Variants in ADGRL4 observed in about 807,000 individuals in gnomAD.
The protein encoded by ADGRL4 is EGF, latrophilin and seven transmembrane domain containing 1.
In ADGRL4, 90 loss-of-function variants were observed where a neutral mutation model predicts 74.8. That is an observed-to-expected ratio of 1.20 (90% CI 1.02 to 1.43). ADGRL4 has a LOEUF of 1.43. Among genes scored for constraint, ADGRL4 ranks in the 40% most tolerant of loss-of-function variants. ADGRL4 has a pLI of 0.00. For missense variants in ADGRL4, 881 were observed against 814.3 expected (o/e 1.08, Z -1.00); for synonymous variants, 311 against 279.2 (o/e 1.11, Z -1.14).
intron 12 of ADGRL4, among the ~76,000 whole-genome samples, chr1:78,915,216 T>C (rs946409907): frequency 6.6e-6 from 1 of 151,912 alleles, no homozygotes; most frequent in Non-Finnish European, 1.5e-5. Flanking sequence ...TGAAGAATAC[T>C]CCAGTAAGCA....
At chr1:78,942,595 C>A (rs1336352843) in intron 3 of ADGRL4, among the ~76,000 whole-genome samples, 4 of 152,108 alleles carry the variant, frequency 2.6e-5, no homozygotes, top group Non-Finnish European at 4.4e-5. Flanking sequence ...TTTGATATCA[C>A]TAAATGCAAG....
At chr1:78,957,976 C>A (rs1649869016) in intron 2 of ADGRL4, among the ~76,000 whole-genome samples, 1 of 152,122 alleles carries the variant, frequency 6.6e-6, no homozygotes, top group Non-Finnish European at 1.5e-5. Flanking sequence ...ATCCTGGAGC[C>A]TTTAGAATTA....
rs772390502 is a variant in ADGRL4, at chr1:78,939,269, A to T, written c.326-11T>A. The T allele has an allele frequency of 1.9e-6, 3 of 1,561,104 alleles. No homozygotes were observed. Among genetic ancestry groups the T allele is most frequent in the East Asian group, 2.3e-5 (1 of 43,090 alleles). On this transcript the variant is annotated splice_polypyrimidine_tract_variant and intron_variant, in intron 3 of 14. Transcript: ENST00000370742. ...TTGCATTCACATTTTCTGTAAAAAAAGAAAATAGATTATACAGTCAGTTTT... is the reference window on the plus strand; with the variant it reads ...TTGCATTCACATTTTCTGTAAAAAATGAAAATAGATTATACAGTCAGTTTT...
chr1:78,892,311 G>T lies in ADGRL4; in HGVS notation c.1842-619C>A, dbSNP rs146220124. Among the ~76,000 whole-genome samples, 404 of 152,118 alleles carry T rather than the reference G, an allele frequency of 2.7e-3. 3 individuals are homozygous for T. The highest frequency in any genetic ancestry group is 9.4e-3 in the African/African-American group (389 of 41,504). On this transcript the variant is annotated intron_variant, in intron 13 of 14. Coordinates refer to ENST00000370742, the MANE Select transcript of ADGRL4 (RefSeq NM_022159.4). ...TTAAAGAAAAAATACACACACATAC[G>T]CACTCTTACATCTTTTCAGCAGAAT...
At chr1:78,946,481 C>T in intron 2 of ADGRL4, 55 bp from the exon 3 acceptor site, 1 of 1,446,472 alleles carries the variant, frequency 6.9e-7, no homozygotes, top group East Asian at 2.5e-5. Context: ...TAAATTTTGA[C>T]TATTTTCCAT....
intron 2 of ADGRL4, among the ~76,000 whole-genome samples, chr1:78,985,749 C>T (rs1417049295): frequency 6.6e-6 from 1 of 151,602 alleles, no homozygotes; most frequent in African/African-American, 2.4e-5. Context: ...CTATTCACAA[C>T]AATAGTGAAG....
intron 2 of ADGRL4, among the ~76,000 whole-genome samples, chr1:78,997,280 C>T (rs1434738659): frequency 2.6e-5 from 4 of 152,122 alleles, no homozygotes; most frequent in African/African-American, 9.7e-5. Flanking sequence ...TCCACAGATA[C>T]ATAAATAAAT....
rs147676668 is a variant in ADGRL4 at position 78,901,855 on chromosome 1, G to A, written c.1750-8666C>T. ...GGGTCAGGATTTAGCACACTTGGGA[G>A]TATCTACAGAGCTAAAAGATATTTC... On this transcript the variant is annotated intron_variant, in intron 12 of 14. Transcript: ENST00000370742. Among the ~76,000 whole-genome samples the A allele has an allele frequency of 6.5e-3, 995 of 152,226 alleles. 9 individuals are homozygous for A. Among genetic ancestry groups the A allele is most frequent in the African/African-American group, 0.019 (781 of 41,520 alleles).
intron 2 of ADGRL4, among the ~76,000 whole-genome samples, chr1:78,977,836 A>G (rs17102548): frequency 0.015 from 2,270 of 151,998 alleles, 59 homozygotes; most frequent in African/African-American, 0.052. Context: ...AATTGGAAAG[A>G]GCTAACATAA....
Position 78,938,141 on chromosome 1 carries a change from TG to T in ADGRL4, c.534del (p.Asn178LysfsTer18). The T allele has an allele frequency of 6.2e-7, 1 of 1,613,196 alleles. No individual in the cohort carries two copies. The highest frequency in any genetic ancestry group is 1.1e-5 in the South Asian group (1 of 90,808). ...GAAAGGGTGTCCTTGGCTGAGATAG[TG>T]TTGTTCTTGTAACCTAGTAATGAAG... is the stretch of plus-strand genomic sequence containing the variant. ...ESSSLLGYKN[N>X]TISAKDTLSN... On this transcript the variant is annotated frameshift_variant, in exon 5 of 15. Coordinates refer to ENST00000370742, the MANE Select transcript of ADGRL4 (RefSeq NM_022159.4). LOFTEE classifies it high-confidence loss of function.
At chr1:78,977,699 G>A (rs1650314085) in intron 2 of ADGRL4, among the ~76,000 whole-genome samples, 1 of 151,866 alleles carries the variant, frequency 6.6e-6, no homozygotes, top group Non-Finnish European at 1.5e-5. Flanking sequence ...GTAGTAGTAT[G>A]TGTGTGTTCT....
chr1:78,901,241 A>G (rs17403465), intron 12 of ADGRL4, among the ~76,000 whole-genome samples: 44,986 of 151,952 alleles, frequency 0.3, 6,707 homozygotes, highest in Middle Eastern at 0.33. Context: ...CATAGCTTTC[A>G]AATTTTGTTC....
At chr1:78,999,552 G>C (rs553661015) in intron 2 of ADGRL4, among the ~76,000 whole-genome samples, 3 of 152,062 alleles carry the variant, frequency 2.0e-5, no homozygotes, top group Non-Finnish European at 1.5e-5. Context: ...TAGCTTGGGC[G>C]ACAGAGCGAG....
At chr1:79,004,851 C>T (rs1650926596) in intron 2 of ADGRL4, among the ~76,000 whole-genome samples, 1 of 151,978 alleles carries the variant, frequency 6.6e-6, no homozygotes, top group South Asian at 2.1e-4. Context: ...ATATTTGCAC[C>T]AAAAAATAAG....
chr1:78,914,224 C>T (rs1648822292), intron 12 of ADGRL4, among the ~76,000 whole-genome samples: 1 of 151,892 alleles, frequency 6.6e-6, no homozygotes, highest in South Asian at 2.1e-4. Context: ...TCAATGAAGA[C>T]TTTTGAATGT....
intron 2 of ADGRL4, among the ~76,000 whole-genome samples, chr1:78,985,552 G>A (rs1650476121): frequency 6.6e-6 from 1 of 151,724 alleles, no homozygotes; most frequent in Non-Finnish European, 1.5e-5. Flanking sequence ...TCCTCCAATG[G>A]TAATTTGAGA....
chr1:78,959,384 G>A (rs183824564), intron 2 of ADGRL4, among the ~76,000 whole-genome samples: 96 of 152,312 alleles, frequency 6.3e-4, no homozygotes, highest in African/African-American at 2.2e-3. Flanking sequence ...TTTTTAGGCA[G>A]TGATTAATAA....
intron 12 of ADGRL4, among the ~76,000 whole-genome samples, chr1:78,905,735 G>T (rs1284730368): frequency 3.9e-5 from 6 of 151,906 alleles, no homozygotes; most frequent in African/African-American, 1.4e-4. Context: ...TATACAAGAT[G>T]CTCAACAATC....
intron 12 of ADGRL4, among the ~76,000 whole-genome samples, chr1:78,914,615 GA>G (rs1648832017): frequency 6.9e-6 from 1 of 145,940 alleles, no homozygotes; most frequent in South Asian, 2.3e-4. Context: ...GTGAAGTAGA[GA>G]TTTTTTTTGG....
Sources: gnomAD v4.1 joint callset for allele counts (sites outside exome capture counted in the v4.1 genomes callset) on GRCh38, gnomAD v4.1.1 for gene constraint, MANE v1.5 for transcripts, NCBI Gene and HGNC (gene_info 2026-07-23, HGNC 2026-07-21) for gene names.